Variants in GALNT17 observed in about 807,000 individuals in gnomAD.
GALNT17 encodes UDP-GalNAc:polypeptide N-acetylgalactosaminyltransferase-like 3.
GALNT17 carries 29 observed loss-of-function variants against 63.7 expected under a neutral mutation model. The observed-to-expected ratio is 0.46, with a 90% confidence interval of 0.34 to 0.62. The LOEUF is 0.62. Among genes scored for constraint, GALNT17 ranks in the 20% least tolerant of loss-of-function variants. The pLI is 0.01. For missense variants in GALNT17, 603 were observed against 799.6 expected (o/e 0.75, Z 2.97); for synonymous variants, 305 against 318.3 (o/e 0.96, Z 0.45).
At chr7:71,346,878 G>T (rs1201389487) in intron 2 of GALNT17, among the ~76,000 whole-genome samples, 2 of 151,996 alleles carry the variant, frequency 1.3e-5, no homozygotes, top group Admixed American at 1.3e-4. Flanking sequence ...GCTATTGCCT[G>T]TGATGGCCCT....
intron 1 of GALNT17, among the ~76,000 whole-genome samples, chr7:71,309,327 C>T (rs956211825): frequency 2.0e-5 from 3 of 152,114 alleles, no homozygotes; most frequent in Admixed American, 2.0e-4. Flanking sequence ...TGCCCAGCTA[C>T]CTGCCTCCCA....
intron 1 of GALNT17, among the ~76,000 whole-genome samples, chr7:71,218,372 T>C (rs1231769295): frequency 6.6e-6 from 1 of 152,218 alleles, no homozygotes; most frequent in Non-Finnish European, 1.5e-5. Flanking sequence ...GAGTTGCTTA[T>C]TCTGGTGCCC....
intron 5 of GALNT17, among the ~76,000 whole-genome samples, chr7:71,560,193 C>CAAAAAAAAA (rs57189106): frequency 1.1e-5 from 1 of 94,462 alleles, no homozygotes. Context: ...GACTCCATCT[C>CAAAAAAAAA]AAAAAAAAAA....
chr7:71,658,713 C>T (rs920546719), intron 6 of GALNT17, among the ~76,000 whole-genome samples: 6 of 152,000 alleles, frequency 3.9e-5, no homozygotes, highest in African/African-American at 1.2e-4. Context: ...CATGGCAAAA[C>T]CCCATCTCTA....
intron 9 of GALNT17, among the ~76,000 whole-genome samples, chr7:71,704,115 G>C (rs1448869912): frequency 6.6e-6 from 1 of 152,138 alleles, no homozygotes; most frequent in Non-Finnish European, 1.5e-5. Flanking sequence ...CTGGCTGTGT[G>C]AAAGCAAAGA....
intron 9 of GALNT17, among the ~76,000 whole-genome samples, chr7:71,705,171 A>T (rs1415023840): frequency 6.6e-6 from 1 of 152,234 alleles, no homozygotes; most frequent in Non-Finnish European, 1.5e-5. Context: ...CAAAAATAAG[A>T]AGACAAATAA....
intron 5 of GALNT17, among the ~76,000 whole-genome samples, chr7:71,496,033 A>T (rs914432007): frequency 6.6e-6 from 1 of 152,212 alleles, no homozygotes; most frequent in African/African-American, 2.4e-5. Context: ...AGGCATGGGA[A>T]CACCATCTGT....
intron 1 of GALNT17, among the ~76,000 whole-genome samples, chr7:71,255,616 T>C (rs1424133193): frequency 6.6e-6 from 1 of 152,192 alleles, no homozygotes; most frequent in East Asian, 1.9e-4. Context: ...ATTTGTAACC[T>C]GGAAAATGCT....
chr7:71,327,826 C>T (rs910231227), intron 1 of GALNT17, among the ~76,000 whole-genome samples: 26 of 152,084 alleles, frequency 1.7e-4, no homozygotes, highest in Admixed American at 4.6e-4. Flanking sequence ...AGCTGTAAAC[C>T]TAAGAGAGGC....
chr7:71,228,947 G>GATTT (rs1317094698), intron 1 of GALNT17, among the ~76,000 whole-genome samples: 6 of 151,960 alleles, frequency 3.9e-5, no homozygotes, highest in African/African-American at 1.5e-4. Context: ...GATCCTACCT[G>GATTT]GCCAATACTT....
At chr7:71,133,643 GCT>G (rs2116133283) in intron 1 of GALNT17, among the ~76,000 whole-genome samples, 1 of 152,318 alleles carries the variant, frequency 6.6e-6, no homozygotes, top group South Asian at 2.1e-4. Context: ...GATTGTTAAA[GCT>G]CAGGGTGGGC....
At chr7:71,534,722 G>A (rs907433479) in intron 5 of GALNT17, among the ~76,000 whole-genome samples, 1 of 152,108 alleles carries the variant, frequency 6.6e-6, no homozygotes, top group Non-Finnish European at 1.5e-5. Context: ...GACACGTGGG[G>A]ATATGACAAC....
chr7:71,166,398 T>C (rs1585852045), intron 1 of GALNT17, among the ~76,000 whole-genome samples: 1 of 152,226 alleles, frequency 6.6e-6, no homozygotes, highest in East Asian at 1.9e-4. Context: ...TACAATTTGA[T>C]AAGCTTTGAC....
At chr7:71,205,349 C>G (rs1789252860) in intron 1 of GALNT17, among the ~76,000 whole-genome samples, 1 of 151,632 alleles carries the variant, frequency 6.6e-6, no homozygotes, top group Non-Finnish European at 1.5e-5. Flanking sequence ...AGACAGCATT[C>G]CACCATGTTG....
chr7:71,363,254 A>G (rs1792440201), intron 2 of GALNT17, among the ~76,000 whole-genome samples: 1 of 152,196 alleles, frequency 6.6e-6, no homozygotes, highest in Non-Finnish European at 1.5e-5. Flanking sequence ...GTCGTGAGCC[A>G]CTGCACCTGG....
chr7:71,345,157 T>G (rs1428371690), intron 2 of GALNT17, among the ~76,000 whole-genome samples: 2 of 151,500 alleles, frequency 1.3e-5, no homozygotes, highest in African/African-American at 2.4e-5. Context: ...GTTTTTTTTT[T>G]TTGTTTTTTT....
intron 6 of GALNT17, among the ~76,000 whole-genome samples, chr7:71,630,699 CA>C (rs1790442534): frequency 6.6e-6 from 1 of 152,126 alleles, no homozygotes; most frequent in African/African-American, 2.4e-5. Context: ...CTAAAAATAC[CA>C]GGGCACCTCA....
Position 71,563,826 on chromosome 7 carries a change from C to T in GALNT17, c.963-7459C>T, listed in dbSNP as rs1308453278. 2.6e-5 allele frequency among the ~76,000 whole-genome samples: 4 copies of T among 152,294 alleles called. No individual in the cohort carries two copies. In the East Asian group the frequency reaches 7.8e-4, roughly 30 times the overall value. On this transcript the variant is annotated intron_variant, in intron 5 of 10. Coordinates refer to ENST00000333538, the MANE Select transcript of GALNT17 (RefSeq NM_022479.3). ...CTCCTTAGCTCAAGCAGTCCTCCCA[C>T]CTTGACCTCTTTAAAGTGCTGGGAT...
chr7:71,260,744 GC>G (rs1790371116), intron 1 of GALNT17, among the ~76,000 whole-genome samples: 1 of 151,820 alleles, frequency 6.6e-6, no homozygotes, highest in African/African-American at 2.4e-5. Flanking sequence ...ACAGGTACAT[GC>G]CAACACATCC....
Sources: gnomAD v4.1 joint callset for allele counts (sites outside exome capture counted in the v4.1 genomes callset) on GRCh38, gnomAD v4.1.1 for gene constraint, MANE v1.5 for transcripts, NCBI Gene and HGNC (gene_info 2026-07-23, HGNC 2026-07-21) for gene names.